The following GPR158 variants were observed in gnomAD, a reference collection of about 807,000 sequenced individuals.
The protein encoded by GPR158 is metabotropic glycine receptor.
A neutral mutation model predicts 78.2 loss-of-function variants in GPR158; 30 were observed. The observed-to-expected ratio is 0.38, with a 90% CI of 0.29 to 0.52. The LOEUF (loss-of-function observed/expected upper bound fraction) is 0.52. Among genes scored for constraint, GPR158 ranks in the 20% least tolerant of loss-of-function variants. The pLI is 0.83. For missense variants in GPR158, 1,463 were observed against 1,523.5 expected, an observed-to-expected ratio of 0.96 and a Z score of 0.66; for synonymous variants, 581 against 591.1, an observed-to-expected ratio of 0.98 and a Z score of 0.25.
intron 2 of GPR158, among the ~76,000 whole-genome samples, chr10:25,341,086 C>T (rs1309572252): frequency 6.6e-6 from 1 of 151,906 alleles, no homozygotes; most frequent in Non-Finnish European, 1.5e-5. Flanking sequence ...AAAATAAGTG[C>T]TAGCTTTGAA....
rs567705634 is a variant in GPR158 at position 25,508,236 on chromosome 10, G to A, written c.1404+41517G>A. Among the ~76,000 whole-genome samples the A allele has an allele frequency of 1.8e-3, 269 of 152,240 alleles. 1 individual carries two copies. The highest frequency in any genetic ancestry group is 3.0e-3 in the Non-Finnish European group (201 of 68,034). On this transcript the variant is annotated intron_variant, in intron 5 of 10. Transcript: ENST00000376351. ...AAAGGAGAACACTTTTATCTTCAGA[G>A]AGGCAATCTGCAAATCAGGGAAAGT...
At chr10:25,408,426 G>A (rs1429966326) in intron 3 of GPR158, among the ~76,000 whole-genome samples, 2 of 152,128 alleles carry the variant, frequency 1.3e-5, no homozygotes, top group Admixed American at 6.5e-5. Flanking sequence ...TTTAATCCCT[G>A]TTCTTCCATC....
intron 2 of GPR158, among the ~76,000 whole-genome samples, chr10:25,371,295 A>G (rs978145653): frequency 2.0e-5 from 3 of 151,770 alleles, no homozygotes; most frequent in African/African-American, 7.3e-5. Flanking sequence ...ATGATTTTGC[A>G]GTGGCTGGTA....
chr10:25,204,186 A>AT (rs1852981460), intron 1 of GPR158, among the ~76,000 whole-genome samples: 1 of 152,188 alleles, frequency 6.6e-6, no homozygotes, highest in Non-Finnish European at 1.5e-5. Flanking sequence ...ATATACAATC[A>AT]TGTCATCTGC....
intron 4 of GPR158, among the ~76,000 whole-genome samples, chr10:25,420,833 T>C (rs971427264): frequency 1.1e-4 from 17 of 152,314 alleles, no homozygotes; most frequent in Admixed American, 2.0e-4. Flanking sequence ...TGTGCCCCTC[T>C]TTATGCCAGT....
At chr10:25,338,426 T>C (rs978820329) in intron 2 of GPR158, among the ~76,000 whole-genome samples, 2 of 145,688 alleles carry the variant, frequency 1.4e-5, no homozygotes, top group Non-Finnish European at 3.0e-5. Context: ...TATATATTAT[T>C]ATATATACGT....
intron 5 of GPR158, among the ~76,000 whole-genome samples, chr10:25,487,539 AG>A (rs1237944450): frequency 6.6e-6 from 1 of 152,150 alleles, no homozygotes; most frequent in African/African-American, 2.4e-5. Flanking sequence ...ATAGAGGTTA[AG>A]GATGTGGATA....
At chr10:25,548,654 C>T (rs941976551) in intron 5 of GPR158, among the ~76,000 whole-genome samples, 6 of 152,106 alleles carry the variant, frequency 3.9e-5, no homozygotes, top group East Asian at 1.9e-4. Flanking sequence ...GAATTGGAAC[C>T]GAGGGAGACT....
intron 2 of GPR158, among the ~76,000 whole-genome samples, chr10:25,271,669 A>G (rs1403962802): frequency 1.3e-5 from 2 of 152,194 alleles, no homozygotes; most frequent in Non-Finnish European, 2.9e-5. Flanking sequence ...TATAACTTAG[A>G]AACATTTTTG....
intron 5 of GPR158, among the ~76,000 whole-genome samples, chr10:25,499,005 C>T (rs532030612): frequency 6.6e-6 from 1 of 152,196 alleles, no homozygotes; most frequent in African/African-American, 2.4e-5. Context: ...ATATTTCAGA[C>T]TTGGAAGAAT....
intron 5 of GPR158, among the ~76,000 whole-genome samples, chr10:25,529,128 C>T (rs1298443899): frequency 1.3e-5 from 2 of 152,152 alleles, no homozygotes; most frequent in African/African-American, 4.8e-5. Flanking sequence ...GTGGCTCACG[C>T]GTGTAATCCC....
chr10:25,514,009 A>G (rs191376383), intron 5 of GPR158, among the ~76,000 whole-genome samples: 54 of 152,278 alleles, frequency 3.5e-4, no homozygotes, highest in African/African-American at 1.3e-3. Context: ...GTCAGGTACA[A>G]TGTTCTAAAC....
At chr10:25,540,167 A>T (rs1836558419) in intron 5 of GPR158, among the ~76,000 whole-genome samples, 1 of 152,212 alleles carries the variant, frequency 6.6e-6, no homozygotes, top group Non-Finnish European at 1.5e-5. Flanking sequence ...GAAGACATTT[A>T]TGCAGCCAAA....
At chr10:25,177,357 T>A (rs965675629) in intron 1 of GPR158, among the ~76,000 whole-genome samples, 1 of 152,178 alleles carries the variant, frequency 6.6e-6, no homozygotes, top group Non-Finnish European at 1.5e-5. Context: ...CAAGATGAAC[T>A]GAGATCTTCC....
Position 25,490,652 on chromosome 10 carries a change from G to A in GPR158, c.1404+23933G>A, listed in dbSNP as rs528462478. 4.2e-3 allele frequency among the ~76,000 whole-genome samples: 621 copies of A among 148,850 alleles called. 6 individuals are homozygous for A. The highest frequency in any genetic ancestry group is 0.013 in the African/African-American group (525 of 39,994). Reference sequence around the variant, plus strand: ...CTTTTTTATGGCTGCATAGTATTCCGTGGTGTATATGTGCCACATTTTCTT... The same window carrying A: ...CTTTTTTATGGCTGCATAGTATTCCATGGTGTATATGTGCCACATTTTCTT... On this transcript the variant is annotated intron_variant, in intron 5 of 10. Transcript: ENST00000376351.
intron 4 of GPR158, among the ~76,000 whole-genome samples, chr10:25,457,537 T>A (rs1451971053): frequency 6.6e-6 from 1 of 152,156 alleles, no homozygotes; most frequent in Non-Finnish European, 1.5e-5. Flanking sequence ...CACAAATAGA[T>A]TACAGAGAAG....
intron 4 of GPR158, among the ~76,000 whole-genome samples, chr10:25,427,761 G>A (rs1327782957): frequency 6.6e-6 from 1 of 151,840 alleles, no homozygotes; most frequent in Non-Finnish European, 1.5e-5. Flanking sequence ...TGAGCTTTGC[G>A]GACTTTGGAT....
At chr10:25,243,700 G>A (rs570162116) in intron 2 of GPR158, among the ~76,000 whole-genome samples, 105 of 152,250 alleles carry the variant, frequency 6.9e-4, no homozygotes, top group Non-Finnish European at 1.6e-4. Flanking sequence ...TTTATATTGT[G>A]CTCTTTTAGC....
intron 4 of GPR158, among the ~76,000 whole-genome samples, chr10:25,413,899 T>G (rs75214374): frequency 0.032 from 4,833 of 152,260 alleles, 124 homozygotes; most frequent in Non-Finnish European, 0.046. Flanking sequence ...TATCTTTCTT[T>G]TGCAACAAAC....
Sources: allele counts gnomAD v4.1 joint callset (sites outside exome capture counted in the v4.1 genomes callset), GRCh38; gene constraint gnomAD v4.1.1; transcripts MANE v1.5; gene names NCBI Gene and HGNC (gene_info 2026-07-23, HGNC 2026-07-21).